The following STRIP1 variants were observed in gnomAD, a reference collection of about 807,000 sequenced individuals.
The protein encoded by STRIP1 is striatin interacting protein 1.
STRIP1 carries 63 observed loss-of-function variants against 106.2 expected under a neutral mutation model. The observed-to-expected ratio is 0.59, with a 90% CI of 0.48 to 0.73. The LOEUF is 0.73. Among genes scored for constraint, STRIP1 ranks in the 30% least tolerant of loss-of-function variants. STRIP1 has a pLI of 0.00. For missense variants in STRIP1, 857 were observed against 1,074.8 expected, an observed-to-expected ratio of 0.80 and a Z score of 2.83; for synonymous variants, 390 against 413.0, an observed-to-expected ratio of 0.94 and a Z score of 0.67.
At chr1:110,050,908 C>G (rs1557796493) in intron 18 of STRIP1, 48 bp from the exon 19 acceptor site, 2 of 1,097,410 alleles carry the variant, frequency 1.8e-6, no homozygotes, top group Non-Finnish European at 2.8e-6. Flanking sequence ...GAAACTGCTG[C>G]ACACACTGCA....
chr1:110,051,877 A>C lies in STRIP1; in HGVS notation c.2256A>C (p.Ala752=). The C allele has an allele frequency of 6.2e-7, 1 of 1,612,258 alleles. No homozygotes were observed. Among genetic ancestry groups the C allele is most frequent in the Non-Finnish European group, 8.5e-7 (1 of 1,179,870 alleles). The change falls in exon 20 of 21, where the codon GCA becomes GCC. Residue 752 remains alanine, a synonymous_variant. Coordinates refer to ENST00000369795, the MANE Select transcript of STRIP1 (RefSeq NM_033088.4). ...KVRHRLNDDW[A]YGNDLDARPW... is the part of the protein sequence containing the mutation. ...GGCATCGGCTGAACGACGACTGGGC[A>C]TACGGCAATGGTGAGACTCTGCACT...
At chr1:110,039,052 C>A in intron 3 of STRIP1, 120 bp from the exon 4 acceptor site, 1 of 1,149,456 alleles carries the variant, frequency 8.7e-7, no homozygotes, top group Non-Finnish European at 1.3e-6. Flanking sequence ...TTACCACTTA[C>A]ATAGGGTGTA....
chr1:110,044,806 T>G (rs1233778993), intron 10 of STRIP1, 34 bp from the exon 11 acceptor site: 1 of 1,609,616 alleles, frequency 6.2e-7, no homozygotes, highest in African/African-American at 1.3e-5. Flanking sequence ...GCTAAAAACC[T>G]TTTTTCTTTC....
Position 110,050,506 on chromosome 1 carries a change from C to T in STRIP1, c.1956+97C>T, listed in dbSNP as rs545042421. ...ACACTGCAGGAATAGAGGTGTCTCC[C>T]GCAGGTGAAATCACTGTGGAGTGCC... On this transcript the variant is annotated intron_variant, in intron 18 of 20. Transcript: ENST00000369795. 2,402 of 1,192,310 alleles carry T rather than the reference C, an allele frequency of 2.0e-3. 9 individuals are homozygous for T. The highest frequency in any genetic ancestry group is 2.9e-3 in the South Asian group (223 of 77,244). 73.9% of individuals were successfully genotyped at this position (1,192,310 alleles called of 1,614,324 possible).
chr1:110,043,880 C>T, intron 10 of STRIP1, 24 bp downstream of exon 10: 1 of 1,602,904 alleles, frequency 6.2e-7, no homozygotes, highest in South Asian at 1.1e-5. Context: ...CTCCAGAGCA[C>T]TCATAGTTCC....
At chr1:110,037,590 C>T (rs923903563) in intron 1 of STRIP1, among the ~76,000 whole-genome samples, 2 of 152,138 alleles carry the variant, frequency 1.3e-5, no homozygotes, top group Non-Finnish European at 2.9e-5. Context: ...CTTATTCATG[C>T]CAGGTACCAT....
intron 10 of STRIP1, among the ~76,000 whole-genome samples, chr1:110,044,552 T>C (rs1306232673): frequency 6.6e-6 from 1 of 152,272 alleles, no homozygotes; most frequent in Non-Finnish European, 1.5e-5. Context: ...GACAAACTTG[T>C]TCATACTATC....
At chr1:110,038,331 T>C (rs1652594559) in intron 2 of STRIP1, 1 of 227,716 alleles carries the variant, frequency 4.4e-6, no homozygotes, top group Non-Finnish European at 8.7e-6. Flanking sequence ...TCTCATGTAA[T>C]GCGAGGTCGG....
chr1:110,047,802 G>A lies in STRIP1; in HGVS notation c.1594G>A (p.Ala532Thr), dbSNP rs1308106686. 6.4e-7 allele frequency: 1 copy of A among 1,571,112 alleles called. No homozygotes were observed. The highest frequency in any genetic ancestry group is 8.6e-7 in the Non-Finnish European group (1 of 1,156,906). ...IALLKILLAA[A>T]PTSKAKTDSI... ...CCTCCTGAAGATCCTGTTGGCTGCA[G>A]CACCCACCTCAAAAGCCAAAACAGA... is the stretch of plus-strand genomic sequence containing the variant. The change falls in exon 15 of 21, where the codon GCA (alanine) becomes ACA (threonine). Residue 532 changes from alanine to threonine, a missense_variant. Ala to Thr is a moderately conservative substitution (Grantham distance 58). Transcript: ENST00000369795.
Position 110,050,379 on chromosome 1 carries a change from T to C in STRIP1, c.1926T>C (p.His642=). ...TGGATTACCCTCACTGCGTGGTGCA[T>C]GAGCTGCCAGAGCTGACGGCGGAGA... The part of the protein sequence containing the change: ...SVLDYPHCVV[H]ELPELTAESL... Residue 642 remains histidine (H), a synonymous_variant, in exon 18 of 21, where the codon CAT becomes CAC. Coordinates refer to ENST00000369795, the MANE Select transcript of STRIP1 (RefSeq NM_033088.4). 2 of 1,613,646 alleles carry C rather than the reference T, an allele frequency of 1.2e-6. No homozygotes were observed. The highest frequency in any genetic ancestry group is 1.1e-5 in the South Asian group (1 of 91,080).
Position 110,047,759 on chromosome 1 carries a change from C to G in STRIP1, c.1564-13C>G, listed in dbSNP as rs779100201. 2.5e-5 allele frequency: 39 copies of G among 1,560,058 alleles called. No homozygotes were observed. The South Asian group carries it at 4.5e-4, about 18-fold the overall frequency. On this transcript the variant is annotated splice_polypyrimidine_tract_variant and intron_variant, in intron 14 of 20. Transcript: ENST00000369795. ...GCTCTCAGACCTGTGTCTGAATGGT[C>G]TACTCTTCCCAGATTGCCCTCCTGA...
At chr1:110,043,324 G>A in intron 9 of STRIP1, 54 bp downstream of exon 9, 5 of 1,552,708 alleles carry the variant, frequency 3.2e-6, no homozygotes, top group Non-Finnish European at 4.4e-6. Flanking sequence ...GTGCATGCTT[G>A]CAGCAGCACA....
At chr1:110,035,333 T>C (rs72976674) in intron 1 of STRIP1, among the ~76,000 whole-genome samples, 9,777 of 152,176 alleles carry the variant, frequency 0.064, 970 homozygotes, top group African/African-American at 0.21. Context: ...CTAATTATCA[T>C]TGAGAGTAGA....
chr1:110,034,520 T>C (rs982683890), upstream of STRIP1: 10 of 1,289,146 alleles, frequency 7.8e-6, no homozygotes, highest in African/African-American at 1.6e-5. Context: ...CAAGATGGCT[T>C]CTAACACTGG....
At chr1:110,038,029 T>C (rs1239034726) in intron 2 of STRIP1, 69 bp downstream of exon 2, 18 of 854,956 alleles carry the variant, frequency 2.1e-5, no homozygotes, top group Admixed American at 3.8e-5. Context: ...AAATTAATAA[T>C]GAATATCATT....
chr1:110,046,930 G>A (rs1170242858), intron 13 of STRIP1, among the ~76,000 whole-genome samples, 179 bp downstream of exon 13: 1 of 152,068 alleles, frequency 6.6e-6, no homozygotes, highest in Admixed American at 6.5e-5. Context: ...GGCGCCTGTA[G>A]TCCCAGCTAT....
At chr1:110,033,215 C>T (rs1652274478), upstream of STRIP1, among the ~76,000 whole-genome samples, 1 of 152,138 alleles carries the variant, frequency 6.6e-6, no homozygotes, top group South Asian at 2.1e-4. Context: ...ACATTCTCCG[C>T]CTCCACCAAC....
intron 12 of STRIP1, among the ~76,000 whole-genome samples, chr1:110,045,797 G>A (rs1226775304): frequency 6.6e-6 from 1 of 151,962 alleles, no homozygotes; most frequent in Non-Finnish European, 1.5e-5. Context: ...AGGCAGACAG[G>A]TTCTAAAGAG....
intron 6 of STRIP1, 44 bp from the exon 7 acceptor site, chr1:110,041,492 G>C: frequency 6.8e-7 from 1 of 1,479,914 alleles, no homozygotes; most frequent in Non-Finnish European, 9.4e-7. Context: ...GTGCTCCTTT[G>C]ACCCCCCCAT....
Sources: allele counts gnomAD v4.1 joint callset (sites outside exome capture counted in the v4.1 genomes callset), GRCh38; gene constraint gnomAD v4.1.1; transcripts MANE v1.5; gene names NCBI Gene and HGNC (gene_info 2026-07-23, HGNC 2026-07-21).